ENTHD1: variants seen among roughly 807,000 people sequenced by gnomAD.
ENTHD1 encodes the protein ENTH domain-containing protein 1.
ENTHD1 carries 23 observed loss-of-function variants against 39.1 expected under a neutral mutation model. That is an observed-to-expected ratio of 0.59 (90% CI 0.42 to 0.83). ENTHD1 has a LOEUF of 0.83. Ranked by LOEUF, ENTHD1 falls within the 40% of genes least tolerant of loss-of-function variation. ENTHD1 has a pLI of 0.00. For missense variants in ENTHD1, 624 were observed against 705.4 expected (o/e 0.88, Z 1.31); for synonymous variants, 230 against 258.2 (o/e 0.89, Z 1.05).
At chr22:39,888,280 T>C (rs2066399644) in intron 1 of ENTHD1, among the ~76,000 whole-genome samples, 1 of 146,926 alleles carries the variant, frequency 6.8e-6, no homozygotes, top group Non-Finnish European at 1.5e-5. Context: ...TTTTTTTTTT[T>C]TTCCAAAGAC....
chr22:39,865,032 A>G (rs1338019675), intron 2 of ENTHD1, among the ~76,000 whole-genome samples: 1 of 152,224 alleles, frequency 6.6e-6, no homozygotes, highest in Non-Finnish European at 1.5e-5. Flanking sequence ...TTAGCTGCCT[A>G]AGACAGTTGC....
intron 5 of ENTHD1, among the ~76,000 whole-genome samples, chr22:39,801,926 C>G (rs972145587): frequency 6.6e-6 from 1 of 151,718 alleles, no homozygotes; most frequent in African/African-American, 2.4e-5. Flanking sequence ...GGAAGGAGAG[C>G]CATATTAAAG....
At chr22:39,876,561 AGAG>A (rs2066291472) in intron 2 of ENTHD1, among the ~76,000 whole-genome samples, 1 of 149,760 alleles carries the variant, frequency 6.7e-6, no homozygotes, top group Non-Finnish European at 1.5e-5. Flanking sequence ...TTGCCTCTGG[AGAG>A]GAGGGAAAGC....
At chr22:39,858,289 T>C (rs554658528) in intron 3 of ENTHD1, among the ~76,000 whole-genome samples, 173 of 152,376 alleles carry the variant, frequency 1.1e-3, no homozygotes, top group African/African-American at 4.1e-3. Context: ...CTGTTCAAGT[T>C]TGATCATGAG....
chr22:39,888,877 ATAT>A (rs1360942317), intron 1 of ENTHD1, among the ~76,000 whole-genome samples: 1 of 152,234 alleles, frequency 6.6e-6, no homozygotes, highest in Non-Finnish European at 1.5e-5. Flanking sequence ...ACATATAAAA[ATAT>A]TATATTCTGA....
At chr22:39,793,848 T>C (rs956304742) in intron 5 of ENTHD1, among the ~76,000 whole-genome samples, 2 of 152,210 alleles carry the variant, frequency 1.3e-5, no homozygotes, top group Non-Finnish European at 2.9e-5. Context: ...ACCATGCTGT[T>C]TGGTTACTAC....
At chr22:39,880,242 T>C (rs566288085) in intron 2 of ENTHD1, among the ~76,000 whole-genome samples, 1 of 152,318 alleles carries the variant, frequency 6.6e-6, no homozygotes, top group South Asian at 2.1e-4. Flanking sequence ...GGGTACATGT[T>C]AAATGATTCC....
chr22:39,813,329 C>A (rs145080993), intron 5 of ENTHD1, among the ~76,000 whole-genome samples: 1 of 152,292 alleles, frequency 6.6e-6, no homozygotes, highest in Non-Finnish European at 1.5e-5. Flanking sequence ...GAAAAAACAG[C>A]CCTAGCTAAT....
intron 2 of ENTHD1, among the ~76,000 whole-genome samples, chr22:39,877,479 AC>A (rs2066301078): frequency 6.6e-6 from 1 of 152,236 alleles, no homozygotes; most frequent in Non-Finnish European, 1.5e-5. Flanking sequence ...ACTGAGACTG[AC>A]AGGCAAATAC....
intron 5 of ENTHD1, among the ~76,000 whole-genome samples, chr22:39,788,853 C>G (rs528865723): frequency 6.6e-6 from 1 of 152,248 alleles, no homozygotes; most frequent in South Asian, 2.1e-4. Flanking sequence ...GATTACAACT[C>G]ACTGAGGGCT....
chr22:39,891,733 C>T (rs1440222712), intron 1 of ENTHD1, among the ~76,000 whole-genome samples: 21 of 151,928 alleles, frequency 1.4e-4, no homozygotes, highest in Non-Finnish European at 2.9e-4. Flanking sequence ...ATTCTCCTGC[C>T]TCAGCCTCCC....
intron 5 of ENTHD1, among the ~76,000 whole-genome samples, chr22:39,802,307 C>T (rs1246864535): frequency 6.6e-6 from 1 of 152,190 alleles, no homozygotes; most frequent in Admixed American, 6.5e-5. Flanking sequence ...AGAAAACCGT[C>T]TGTTTTTAAG....
intron 5 of ENTHD1, among the ~76,000 whole-genome samples, chr22:39,778,115 G>A (rs2065379754): frequency 6.6e-6 from 1 of 152,180 alleles, no homozygotes; most frequent in Non-Finnish European, 1.5e-5. Context: ...TATATGGAAT[G>A]CTTGAAAAGG....
At chr22:39,760,445 C>G (rs977122399) in intron 6 of ENTHD1, among the ~76,000 whole-genome samples, 1 of 151,832 alleles carries the variant, frequency 6.6e-6, no homozygotes, top group African/African-American at 2.4e-5. Context: ...ATAGCTACTC[C>G]CACTTTATTA....
intron 1 of ENTHD1, among the ~76,000 whole-genome samples, chr22:39,888,841 G>A (rs1272571832): frequency 6.6e-6 from 1 of 152,144 alleles, no homozygotes; most frequent in Non-Finnish European, 1.5e-5. Context: ...GAAGTGCTAG[G>A]ATTTCAGGCA....
At position 39,816,098 on chromosome 22, in the gene ENTHD1, T is replaced by C. The variant is rs1306684311; in HGVS notation, c.832+4895A>G. 2.6e-5 allele frequency among the ~76,000 whole-genome samples: 4 copies of C among 152,248 alleles called. No individual in the cohort carries two copies. In the East Asian group the frequency reaches 7.7e-4, roughly 29 times the overall value. The stretch of plus-strand genomic sequence containing the variant: ...AGGCCAGAGTGTGAACAGCAGATCG[T>C]CACGTGCCTATGGAGGGCAAAGGCA... On this transcript the variant is annotated intron_variant, in intron 5 of 6. Transcript: ENST00000325157.
chr22:39,833,112 G>A (rs2065882955), intron 4 of ENTHD1, among the ~76,000 whole-genome samples: 1 of 152,134 alleles, frequency 6.6e-6, no homozygotes. Flanking sequence ...CTCCCCCTAA[G>A]GCTACTTCTT....
At chr22:39,876,055 T>A in intron 2 of ENTHD1, 1 of 1,613,906 alleles carries the variant, frequency 6.2e-7, no homozygotes, top group South Asian at 1.1e-5. Flanking sequence ...GTCCTGCTAC[T>A]CTCAACCTTG....
rs78026718 is a variant in ENTHD1, at chr22:39,868,351, A to T, written c.350-6344T>A. 5.0e-4 allele frequency among the ~76,000 whole-genome samples: 49 copies of T among 98,432 alleles called. 1 individual carries two copies. Among genetic ancestry groups the T allele is most frequent in the South Asian group, 3.2e-3 (8 of 2,498 alleles). 64.6% of individuals were successfully genotyped at this position (98,432 alleles called of 152,430 possible). A position where few individuals can be genotyped will look rare whatever the true frequency, so the allele number is the denominator to read the frequency against. ...GAACTGGAGAAACCTTTATTTTATT[A>T]AAAAAAAAAAAAAAAAGGAAGGAAA... On this transcript the variant is annotated intron_variant, in intron 2 of 6. Transcript: ENST00000325157.
Sources: gnomAD v4.1 joint callset for allele counts (sites outside exome capture counted in the v4.1 genomes callset) on GRCh38, gnomAD v4.1.1 for gene constraint, MANE v1.5 for transcripts, NCBI Gene and HGNC (gene_info 2026-07-23, HGNC 2026-07-21) for gene names.